Variants in CCDC171 observed in about 807,000 individuals in gnomAD.
CCDC171 encodes the protein coiled-coil domain containing 171.
Under a neutral mutation model 168.2 loss-of-function variants are expected in CCDC171, and 177 were observed. That is an observed-to-expected ratio of 1.05 (90% CI 0.93 to 1.19). The LOEUF is 1.19. Among genes scored for constraint, CCDC171 ranks in the 50% most tolerant of loss-of-function variants. CCDC171 has a pLI of 0.00. For synonymous variants in CCDC171, 687 were observed against 540.8 expected (o/e 1.27, Z -3.75); for missense variants, 1,991 against 1,539.0 (o/e 1.29, Z -4.91).
At position 15,623,468 on chromosome 9, in the gene CCDC171, C is replaced by CGCGCGCGCGT; in HGVS notation, c.822+63_822+64insGTGCGCGCGC. Reference sequence around the variant, plus strand: ...ATGCGTACAAACTTTCACATATGCGCGCGCGCGCACACACACACACACACA... The same window carrying CGCGCGCGCGT: ...ATGCGTACAAACTTTCACATATGCGCGCGCGCGCGTGCGCGCGCACACACACACACACACA... On this transcript the variant is annotated intron_variant, in intron 7 of 25. Transcript: ENST00000380701. The CGCGCGCGCGT allele has an allele frequency of 1.1e-5, 8 of 739,974 alleles. No individual in the cohort carries two copies. In the Admixed American group the frequency reaches 1.6e-4, roughly 15 times the overall value. The allele number at this position is 739,974 out of a possible 1,614,324, so 45.8% of individuals were successfully genotyped here.
intron 6 of CCDC171, among the ~76,000 whole-genome samples, chr9:16,034,620 C>T (rs1471028722): frequency 6.6e-6 from 1 of 152,168 alleles, no homozygotes; most frequent in Non-Finnish European, 1.5e-5. Flanking sequence ...AGGAAGCCTC[C>T]TGTCGTAGTT....
chr9:15,595,640 T>A (rs2042293416), intron 6 of CCDC171, among the ~76,000 whole-genome samples: 1 of 152,222 alleles, frequency 6.6e-6, no homozygotes, highest in Admixed American at 6.5e-5. Flanking sequence ...GCAACATGAT[T>A]TATAATCCTT....
At chr9:15,756,633 T>G (rs944137012) in intron 18 of CCDC171, among the ~76,000 whole-genome samples, 8 of 152,176 alleles carry the variant, frequency 5.3e-5, no homozygotes, top group African/African-American at 1.9e-4. Flanking sequence ...AAACATGCGG[T>G]ATTTGCTTTT....
At chr9:15,994,649 C>G (rs1832313071) in intron 3 of CCDC171, among the ~76,000 whole-genome samples, 1 of 152,312 alleles carries the variant, frequency 6.6e-6, no homozygotes, top group South Asian at 2.1e-4. Flanking sequence ...AGAATTCACA[C>G]TGCTCTAGTC....
chr9:15,848,377 A>G (rs953503515), intron 22 of CCDC171, among the ~76,000 whole-genome samples: 6 of 151,952 alleles, frequency 3.9e-5, no homozygotes, highest in Admixed American at 1.3e-4. Flanking sequence ...GTAACTTTGC[A>G]TATTCCTAGA....
At chr9:16,091,075 C>A in the CCDC171 span, among the ~76,000 whole-genome samples, 5 of 152,200 alleles carry the variant, frequency 3.3e-5, no homozygotes, top group African/African-American at 1.2e-4. Flanking sequence ...GGTCACCCCC[C>A]ACCCAGGAAT....
At chr9:16,059,943 G>C (rs942659955) in intron 1 of CCDC171, among the ~76,000 whole-genome samples, 2 of 152,102 alleles carry the variant, frequency 1.3e-5, no homozygotes, top group African/African-American at 4.8e-5. Context: ...AAGCTAACCT[G>C]AGATGAAGTC....
At chr9:15,644,782 G>A (rs1460573573) in intron 7 of CCDC171, among the ~76,000 whole-genome samples, 1 of 152,206 alleles carries the variant, frequency 6.6e-6, no homozygotes, top group South Asian at 2.1e-4. Flanking sequence ...AGCCCAAGGA[G>A]GCCTGCCTGC....
intron 6 of CCDC171, among the ~76,000 whole-genome samples, chr9:15,598,111 A>T (rs564711291): frequency 6.6e-6 from 1 of 152,062 alleles, no homozygotes; most frequent in South Asian, 2.1e-4. Flanking sequence ...TCCTGGATTC[A>T]TTGATTTTTT....
At chr9:16,066,866 G>A in the CCDC171 span, among the ~76,000 whole-genome samples, 254 of 150,042 alleles carry the variant, frequency 1.7e-3, no homozygotes, top group African/African-American at 5.8e-3. Context: ...TATCATTGTT[G>A]GACATTTGGG....
At chr9:15,636,922 T>G (rs1306965381) in intron 7 of CCDC171, among the ~76,000 whole-genome samples, 1 of 152,020 alleles carries the variant, frequency 6.6e-6, no homozygotes, top group Non-Finnish European at 1.5e-5. Flanking sequence ...CGAATTTTTT[T>G]TTGTTTTTAG....
intron 21 of CCDC171, among the ~76,000 whole-genome samples, chr9:15,840,199 T>C (rs372997323): frequency 6.6e-6 from 1 of 152,156 alleles, no homozygotes; most frequent in East Asian, 1.9e-4. Context: ...TTCAACAAAG[T>C]TTTTTATTTA....
intron 18 of CCDC171, among the ~76,000 whole-genome samples, chr9:15,755,890 C>T (rs965678061): frequency 6.6e-6 from 1 of 152,120 alleles, no homozygotes; most frequent in African/African-American, 2.4e-5. Flanking sequence ...TATAGTTGCA[C>T]AACTCTGTGA....
chr9:15,742,839 C>G (rs1007459747), intron 16 of CCDC171, among the ~76,000 whole-genome samples: 2 of 151,918 alleles, frequency 1.3e-5, no homozygotes, highest in Non-Finnish European at 2.9e-5. Flanking sequence ...GGGTCTTGCA[C>G]TGTCACCTAG....
chr9:15,880,401 A>C (rs2794626), intron 24 of CCDC171, among the ~76,000 whole-genome samples: 117,971 of 151,650 alleles, frequency 0.78, 46,628 homozygotes, highest in East Asian at 0.85. Context: ...TTATGAATAC[A>C]ATGTGCAATA....
chr9:15,831,176 G>T (rs2060215074), intron 21 of CCDC171, among the ~76,000 whole-genome samples: 1 of 151,742 alleles, frequency 6.6e-6, no homozygotes, highest in South Asian at 2.1e-4. Context: ...GTTTCACCAT[G>T]TTAGCCAGGA....
chr9:15,735,578 A>G (rs2054439548), intron 16 of CCDC171, among the ~76,000 whole-genome samples: 3 of 152,294 alleles, frequency 2.0e-5, no homozygotes, highest in South Asian at 4.1e-4. Flanking sequence ...TCATCATGCT[A>G]TATTGCATTT....
intron 18 of CCDC171, among the ~76,000 whole-genome samples, chr9:15,752,616 A>G (rs770449069): frequency 2.6e-5 from 4 of 152,200 alleles, no homozygotes; most frequent in Non-Finnish European, 2.9e-5. Context: ...GGTGGAAACC[A>G]TCATTCTCAG....
At chr9:15,959,962 A>C (rs78177256) in intron 25 of CCDC171, among the ~76,000 whole-genome samples, 1 of 152,182 alleles carries the variant, frequency 6.6e-6, no homozygotes, top group Non-Finnish European at 1.5e-5. Flanking sequence ...GCTATCACCC[A>C]TATGACCTAG....
Sources: gnomAD v4.1 joint callset for allele counts (sites outside exome capture counted in the v4.1 genomes callset) on GRCh38, gnomAD v4.1.1 for gene constraint, MANE v1.5 for transcripts, NCBI Gene and HGNC (gene_info 2026-07-23, HGNC 2026-07-21) for gene names.